Variants in NT5C2 observed in about 807,000 individuals in gnomAD.
NT5C2 encodes the protein cytosolic purine 5'-nucleotidase.
A neutral mutation model predicts 76.1 loss-of-function variants in NT5C2; 58 were observed. The ratio of observed to expected loss-of-function variants is 0.76; its 90% CI spans 0.62 to 0.95. NT5C2 has a LOEUF of 0.95. Among genes scored for constraint, NT5C2 ranks in the 40% least tolerant of loss-of-function variants. The probability of loss-of-function intolerance (pLI) is 0.00; values close to 1 mark genes in which losing one functional copy is unlikely to be tolerated. For missense variants in NT5C2, 478 were observed against 690.3 expected (o/e 0.69, Z 3.45); for synonymous variants, 229 against 237.4 (o/e 0.96, Z 0.32).
chr10:103,101,529 T>TA (rs35078544), intron 6 of NT5C2, among the ~76,000 whole-genome samples: 1 of 149,316 alleles, frequency 6.7e-6, no homozygotes, highest in African/African-American at 2.4e-5. Context: ...TTTTTTTTTT[T>TA]AAGACAGTCT....
intron 3 of NT5C2, among the ~76,000 whole-genome samples, chr10:103,156,058 T>C (rs1452737939): frequency 6.6e-6 from 1 of 151,946 alleles, no homozygotes; most frequent in Non-Finnish European, 1.5e-5. Flanking sequence ...CCCAGGTACT[T>C]GGGAGGCTGA....
At chr10:103,166,788 G>A (rs975334683) in intron 3 of NT5C2, among the ~76,000 whole-genome samples, 1 of 152,026 alleles carries the variant, frequency 6.6e-6, no homozygotes, top group Non-Finnish European at 1.5e-5. Flanking sequence ...CAGTAGCTAG[G>A]ACGACAGGTG....
intron 4 of NT5C2, among the ~76,000 whole-genome samples, chr10:103,119,035 G>T (rs985553410): frequency 3.3e-5 from 5 of 152,186 alleles, no homozygotes; most frequent in Middle Eastern, 3.4e-3. Flanking sequence ...ATTTTCAGTT[G>T]TATGCTTTTG....
chr10:103,156,662 C>T (rs1171661058), intron 3 of NT5C2, among the ~76,000 whole-genome samples: 2 of 140,352 alleles, frequency 1.4e-5, no homozygotes, highest in Admixed American at 1.4e-4. Context: ...GGCTGAGGCT[C>T]GACAATCACT....
At chr10:103,175,515 C>A (rs2089647499) in intron 2 of NT5C2, 2 of 168,574 alleles carry the variant, frequency 1.2e-5, no homozygotes, top group South Asian at 1.5e-4. Context: ...AGGTGTGAGT[C>A]TGGGTTGGAT....
At chr10:103,097,406 G>A (rs1183791681) in intron 10 of NT5C2, 32 bp from the exon 11 acceptor site, 4 of 1,548,064 alleles carry the variant, frequency 2.6e-6, no homozygotes, top group Non-Finnish European at 2.7e-6. Context: ...AGTGAAACAC[G>A]AAAACATTTT....
At chr10:103,092,412 GTAT>G (rs1428567817) in intron 15 of NT5C2, among the ~76,000 whole-genome samples, 4 of 152,178 alleles carry the variant, frequency 2.6e-5, no homozygotes, top group East Asian at 1.9e-4. Flanking sequence ...TAGGAGGTAG[GTAT>G]TATCCCCATT....
chr10:103,089,110 A>T lies in NT5C2; in HGVS notation c.*562T>A. On this transcript the variant is annotated 3_prime_UTR_variant, in exon 19 of 19. Transcript: ENST00000404739. ...GCAAGTAGAGCATACTTCTGTGCAA[A>T]GCCAGTGATAGAGAAGCAGCCTTGC... 1 of 227,294 alleles carries T rather than the reference A, an allele frequency of 4.4e-6. No homozygotes were observed. The highest frequency in any genetic ancestry group is 6.4e-5 in the East Asian group (1 of 15,744). 14.1% of individuals were successfully genotyped at this position (227,294 alleles called of 1,614,324 possible). A position where few individuals can be genotyped will look rare whatever the true frequency, so the allele number is the denominator to read the frequency against.
At chr10:103,144,498 T>TA (rs1371093458) in intron 3 of NT5C2, among the ~76,000 whole-genome samples, 6 of 152,322 alleles carry the variant, frequency 3.9e-5, no homozygotes, top group African/African-American at 1.4e-4. Context: ...AGAAAAGAGA[T>TA]TAAGCTTGTA....
At chr10:103,094,500 T>C in intron 12 of NT5C2, 45 bp from the exon 13 acceptor site, 1 of 958,272 alleles carries the variant, frequency 1.0e-6, no homozygotes, top group Non-Finnish European at 1.7e-6. Flanking sequence ...ACTCCTTACC[T>C]TAAGGCATTA....
intron 4 of NT5C2, among the ~76,000 whole-genome samples, chr10:103,110,443 G>A (rs1027288006): frequency 2.6e-5 from 4 of 152,150 alleles, no homozygotes; most frequent in African/African-American, 9.7e-5. Context: ...GCAACAGAGT[G>A]AGACTTCATC....
At chr10:103,188,710 T>G (rs757632503) in intron 1 of NT5C2, among the ~76,000 whole-genome samples, 6 of 152,096 alleles carry the variant, frequency 3.9e-5, no homozygotes, top group Non-Finnish European at 7.4e-5. Context: ...CTGTATAACA[T>G]ACGAATTTGG....
At chr10:103,143,902 C>G (rs986096125) in intron 3 of NT5C2, among the ~76,000 whole-genome samples, 2 of 152,092 alleles carry the variant, frequency 1.3e-5, no homozygotes, top group African/African-American at 4.8e-5. Flanking sequence ...CTGCAGCGAA[C>G]TGAGATCGTG....
chr10:103,148,792 C>T (rs2081946794), intron 3 of NT5C2, among the ~76,000 whole-genome samples: 1 of 151,994 alleles, frequency 6.6e-6, no homozygotes, highest in Non-Finnish European at 1.5e-5. Flanking sequence ...AGTATGGAGA[C>T]ATACATGGAA....
At chr10:103,127,940 C>G (rs926789714) in intron 4 of NT5C2, among the ~76,000 whole-genome samples, 2 of 151,966 alleles carry the variant, frequency 1.3e-5, no homozygotes, top group African/African-American at 4.8e-5. Context: ...GTTATCCTCC[C>G]GCCTCAGCCT....
intron 6 of NT5C2, among the ~76,000 whole-genome samples, chr10:103,102,772 G>C (rs921724144): frequency 6.6e-6 from 1 of 152,022 alleles, no homozygotes; most frequent in Admixed American, 6.6e-5. Flanking sequence ...AGTGATGTGA[G>C]AGTAGTTCTA....
chr10:103,177,730 T>C (rs2135066635), intron 2 of NT5C2, among the ~76,000 whole-genome samples: 1 of 152,344 alleles, frequency 6.6e-6, no homozygotes, highest in African/African-American at 2.4e-5. Context: ...GGTCTCATTA[T>C]GTTGTCCAGG....
At chr10:103,118,886 A>C (rs976744160) in intron 4 of NT5C2, among the ~76,000 whole-genome samples, 3 of 151,716 alleles carry the variant, frequency 2.0e-5, no homozygotes, top group Non-Finnish European at 4.4e-5. Flanking sequence ...TTAAATACTC[A>C]GCTTATTCTC....
At chr10:103,102,905 T>C (rs2070171633) in intron 6 of NT5C2, among the ~76,000 whole-genome samples, 1 of 147,894 alleles carries the variant, frequency 6.8e-6, no homozygotes, top group South Asian at 2.2e-4. Context: ...AGATACTAGA[T>C]GGAATCATGA....
Sources: allele counts gnomAD v4.1 joint callset (sites outside exome capture counted in the v4.1 genomes callset), GRCh38; gene constraint gnomAD v4.1.1; transcripts MANE v1.5; gene names NCBI Gene and HGNC (gene_info 2026-07-23, HGNC 2026-07-21).